COL22A1: variants seen among roughly 807,000 people sequenced by gnomAD.
COL22A1 encodes collagen type XXII alpha 1 chain.
A neutral mutation model predicts 248.9 loss-of-function variants in COL22A1; 221 were observed. The observed-to-expected ratio is 0.89, with a 90% CI of 0.80 to 0.99. The LOEUF (loss-of-function observed/expected upper bound fraction) is 0.99, where lower values mean the gene tolerates loss of function less well. Among genes scored for constraint, COL22A1 ranks in the 50% least tolerant of loss-of-function variants. The probability of loss-of-function intolerance (pLI) is 0.00; values close to 1 mark genes in which losing one functional copy is unlikely to be tolerated. For missense variants in COL22A1, 2,240 were observed against 2,179.0 expected (o/e 1.03, Z -0.56); for synonymous variants, 891 against 793.4 (o/e 1.12, Z -2.07).
At chr8:138,770,300 G>A (rs892773458) in intron 16 of COL22A1, among the ~76,000 whole-genome samples, 12 of 152,182 alleles carry the variant, frequency 7.9e-5, no homozygotes, top group African/African-American at 2.9e-4. Context: ...CTTTTTGTGT[G>A]TAGACTCCTC....
Position 138,877,919 on chromosome 8 carries a change from C to A in COL22A1, c.489G>T (p.Ala163=). 6.2e-7 allele frequency: 1 copy of A among 1,607,292 alleles called. No individual in the cohort carries two copies. Among genetic ancestry groups the A allele is most frequent in the Non-Finnish European group, 8.5e-7 (1 of 1,177,078 alleles). The change falls in exon 3 of 65, where the codon GCG becomes GCT. Residue 163 remains alanine, a synonymous_variant. Transcript: ENST00000303045. The part of the protein sequence containing the change: ...RSQDLVLDAA[A]AAHRAGIRIF... ...TGCGGATGCCAGCGCGGTGGGCTGC[C>A]GCCGCGGCGTCCAGCACCAGGTCCT...
At chr8:138,633,496 AG>A (rs1227400535) in intron 49 of COL22A1, among the ~76,000 whole-genome samples, 2 of 152,250 alleles carry the variant, frequency 1.3e-5, no homozygotes, top group Admixed American at 6.6e-5. Context: ...TGGAACTACC[AG>A]GGTGGAGTGG....
At chr8:138,598,615 A>G (rs1464241436) in intron 61 of COL22A1, 104 bp downstream of exon 61, 5 of 1,123,476 alleles carry the variant, frequency 4.5e-6, no homozygotes, top group Non-Finnish European at 6.4e-6. Context: ...CAGTCACTAG[A>G]AGACTGGGAT....
intron 40 of COL22A1, 85 bp downstream of exon 40, chr8:138,679,532 T>C: frequency 9.1e-7 from 1 of 1,104,146 alleles, no homozygotes; most frequent in Non-Finnish European, 1.4e-6. Flanking sequence ...TAAGACTCAG[T>C]CCCATTATTT....
At chr8:138,740,650 G>A (rs1007909491) in intron 22 of COL22A1, among the ~76,000 whole-genome samples, 6 of 152,170 alleles carry the variant, frequency 3.9e-5, no homozygotes, top group Admixed American at 1.3e-4. Context: ...GCGCGTGGTA[G>A]ACAAGAGAGA....
chr8:138,791,958 T>C (rs1816088111), intron 12 of COL22A1, among the ~76,000 whole-genome samples: 1 of 152,152 alleles, frequency 6.6e-6, no homozygotes, highest in African/African-American at 2.4e-5. Flanking sequence ...AGAAAATCCA[T>C]ATGAAGTTTT....
chr8:138,684,904 G>C (rs542467644), intron 38 of COL22A1, among the ~76,000 whole-genome samples: 75 of 152,240 alleles, frequency 4.9e-4, no homozygotes, highest in Non-Finnish European at 6.2e-4. Flanking sequence ...CCTTCTTTAC[G>C]CATACCACAC....
At chr8:138,818,553 C>T (rs1320279) in intron 7 of COL22A1, among the ~76,000 whole-genome samples, 137,020 of 152,208 alleles carry the variant, frequency 0.9, 61,964 homozygotes, top group African/African-American at 0.98. Flanking sequence ...AGACGGGCTG[C>T]GTGAGTGGAA....
intron 3 of COL22A1, among the ~76,000 whole-genome samples, chr8:138,868,891 C>T (rs545419843): frequency 2.0e-4 from 30 of 152,198 alleles, no homozygotes; most frequent in Admixed American, 7.9e-4. Context: ...CCACCACACC[C>T]GGCTAATTTT....
At chr8:138,605,479 A>G (rs576269000) in intron 58 of COL22A1, among the ~76,000 whole-genome samples, 2 of 152,322 alleles carry the variant, frequency 1.3e-5, no homozygotes, top group African/African-American at 2.4e-5. Context: ...GGGAGTGAAT[A>G]AGCCCACGTA....
chr8:138,861,607 T>C (rs1250436337), intron 3 of COL22A1, among the ~76,000 whole-genome samples: 1 of 152,218 alleles, frequency 6.6e-6, no homozygotes, highest in Non-Finnish European at 1.5e-5. Flanking sequence ...TCTCTCTTGC[T>C]GCTTTGGGGT....
intron 37 of COL22A1, among the ~76,000 whole-genome samples, chr8:138,688,179 T>G (rs1197022450): frequency 3.0e-3 from 3 of 1,016 alleles, no homozygotes; most frequent in East Asian, 0.045. Context: ...GCCTCTGGGT[T>G]TTTTTTTTTT....
At chr8:138,640,394 T>C (rs1021994119) in intron 47 of COL22A1, among the ~76,000 whole-genome samples, 1 of 152,130 alleles carries the variant, frequency 6.6e-6, no homozygotes, top group Admixed American at 6.5e-5. Context: ...GGACTAAACT[T>C]TCCCAAGTTA....
At chr8:138,821,546 C>T in intron 6 of COL22A1, 135 bp from the exon 7 acceptor site, 3 of 860,672 alleles carry the variant, frequency 3.5e-6, no homozygotes, top group South Asian at 3.3e-5. Context: ...AGCTGGTCAC[C>T]TGCCACCTGA....
chr8:138,610,539 CAA>C (rs1469863292), intron 56 of COL22A1, among the ~76,000 whole-genome samples: 1 of 152,204 alleles, frequency 6.6e-6, no homozygotes, highest in East Asian at 1.9e-4. Flanking sequence ...TGTTTAAAAA[CAA>C]AGTAGATATT....
At chr8:138,898,079 C>A (rs28750143) in intron 1 of COL22A1, among the ~76,000 whole-genome samples, 1 of 151,930 alleles carries the variant, frequency 6.6e-6, no homozygotes, top group African/African-American at 2.4e-5. Flanking sequence ...TAGGACTCTG[C>A]GCTCATAACC....
intron 45 of COL22A1, among the ~76,000 whole-genome samples, chr8:138,653,678 AC>A (rs1275431114): frequency 6.6e-6 from 1 of 152,150 alleles, no homozygotes; most frequent in Non-Finnish European, 1.5e-5. Context: ...TTCTCCAACT[AC>A]CAGAAAGAGA....
intron 7 of COL22A1, among the ~76,000 whole-genome samples, chr8:138,815,772 T>C (rs11984560): frequency 0.034 from 5,099 of 152,186 alleles, 274 homozygotes; most frequent in African/African-American, 0.11. Context: ...GACGAGTGGA[T>C]GAATGGATGG....
chr8:138,709,995 A>G (rs1828819123), intron 30 of COL22A1, among the ~76,000 whole-genome samples: 1 of 152,170 alleles, frequency 6.6e-6, no homozygotes, highest in Admixed American at 6.5e-5. Context: ...GGCTCTTCTC[A>G]GGAACCTGGG....
Sources: allele counts gnomAD v4.1 joint callset (sites outside exome capture counted in the v4.1 genomes callset), GRCh38; gene constraint gnomAD v4.1.1; transcripts MANE v1.5; gene names NCBI Gene and HGNC (gene_info 2026-07-23, HGNC 2026-07-21).